Variants in CPPED1 observed in about 807,000 individuals in gnomAD.
CPPED1 encodes the protein serine/threonine-protein phosphatase CPPED1.
In CPPED1, 28 loss-of-function variants were observed where a neutral mutation model predicts 28.0. The ratio of observed to expected loss-of-function variants is 1.00; its 90% CI spans 0.74 to 1.37. CPPED1 has a LOEUF of 1.37. Ranked by LOEUF, CPPED1 falls within the 40% of genes most tolerant of loss-of-function variation. The pLI, the probability that CPPED1 is intolerant of heterozygous loss-of-function variation, is 0.00. For synonymous variants in CPPED1, 198 were observed against 180.2 expected (o/e 1.10, Z -0.79); for missense variants, 504 against 416.5 (o/e 1.21, Z -1.83).
intron 1 of CPPED1, among the ~76,000 whole-genome samples, chr16:12,802,046 C>T (rs2080663294): frequency 6.6e-6 from 1 of 152,150 alleles, no homozygotes; most frequent in South Asian, 2.1e-4. Flanking sequence ...GCTTCTCTCC[C>T]TGCTCTGATT....
Position 12,663,063 on chromosome 16 carries a change from T to C in CPPED1, c.*1823A>G, listed in dbSNP as rs1052650284. 8.6e-5 allele frequency: 1 copy of C among 11,668 alleles called. No individual in the cohort carries two copies. Among genetic ancestry groups the C allele is most frequent in the Admixed American group, 5.0e-4 (1 of 1,988 alleles). The allele number at this position is 11,668 out of a possible 1,614,324, so 0.7% of individuals were successfully genotyped here. On this transcript the variant is annotated 3_prime_UTR_variant, in exon 4 of 4. Transcript: ENST00000381774. Reference sequence around the variant, plus strand: ...AAGTCTCAATGTGTGTGTGTGTGGTTTTTTTTTTTTTTTTTTGAGACAGAG... The same window carrying C: ...AAGTCTCAATGTGTGTGTGTGTGGTCTTTTTTTTTTTTTTTTGAGACAGAG...
intron 3 of CPPED1, among the ~76,000 whole-genome samples, chr16:12,668,863 C>T (rs887661820): frequency 2.6e-5 from 4 of 152,204 alleles, no homozygotes; most frequent in African/African-American, 4.8e-5. Context: ...GAAATTAGAA[C>T]CTTCATACAG....
chr16:12,791,104 T>G (rs553757412), intron 1 of CPPED1, among the ~76,000 whole-genome samples: 9 of 151,752 alleles, frequency 5.9e-5, no homozygotes, highest in South Asian at 2.1e-4. Flanking sequence ...AACACGCAGG[T>G]TTGTTACATA....
At chr16:12,802,110 G>A (rs2080663548) in intron 1 of CPPED1, among the ~76,000 whole-genome samples, 2 of 152,308 alleles carry the variant, frequency 1.3e-5, no homozygotes, top group South Asian at 4.1e-4. Context: ...AAGGCAAGGA[G>A]CCCACCGATG....
chr16:12,778,515 A>T (rs183445385), intron 2 of CPPED1, among the ~76,000 whole-genome samples: 1 of 152,254 alleles, frequency 6.6e-6, no homozygotes, highest in East Asian at 1.9e-4. Flanking sequence ...ACCTCAGGTG[A>T]TCCGCCCACC....
intron 2 of CPPED1, among the ~76,000 whole-genome samples, chr16:12,766,034 A>T (rs12446662): frequency 0.2 from 30,859 of 151,382 alleles, 4,986 homozygotes; most frequent in African/African-American, 0.45. Flanking sequence ...GATGTAAATA[A>T]TCCAGTCAGC....
intron 2 of CPPED1, chr16:12,760,502 G>A (rs2080402693): frequency 6.6e-6 from 1 of 152,480 alleles, no homozygotes; most frequent in African/African-American, 2.4e-5. Context: ...TACTACTGCT[G>A]GGGGCCTGGT....
intron 3 of CPPED1, among the ~76,000 whole-genome samples, chr16:12,688,000 A>T (rs1217305019): frequency 6.6e-6 from 1 of 152,102 alleles, no homozygotes; most frequent in Non-Finnish European, 1.5e-5. Context: ...CATGAAAGTC[A>T]CAAGGCCAGC....
chr16:12,701,889 A>G (rs2080022638), intron 3 of CPPED1, among the ~76,000 whole-genome samples: 1 of 152,190 alleles, frequency 6.6e-6, no homozygotes, highest in Non-Finnish European at 1.5e-5. Flanking sequence ...ATTGGATTCC[A>G]GCGCCTGATG....
chr16:12,747,193 A>G (rs369901807), intron 2 of CPPED1, among the ~76,000 whole-genome samples: 2 of 151,934 alleles, frequency 1.3e-5, no homozygotes, highest in Non-Finnish European at 2.9e-5. Flanking sequence ...ATTTTGGGAG[A>G]CTGAGGTGGG....
At chr16:12,725,671 C>CG (rs1403014764) in intron 2 of CPPED1, among the ~76,000 whole-genome samples, 2 of 152,012 alleles carry the variant, frequency 1.3e-5, no homozygotes, top group South Asian at 2.1e-4. Flanking sequence ...CAGGTAGAGA[C>CG]GGGGGGAAGT....
intron 2 of CPPED1, among the ~76,000 whole-genome samples, chr16:12,763,601 C>T (rs182671868): frequency 1.3e-3 from 200 of 152,228 alleles, no homozygotes; most frequent in Admixed American, 1.5e-3. Context: ...ACCTATGATG[C>T]GAGTACCATT....
chr16:12,737,645 G>A (rs2080233436), intron 2 of CPPED1, among the ~76,000 whole-genome samples: 1 of 152,208 alleles, frequency 6.6e-6, no homozygotes, highest in South Asian at 2.1e-4. Context: ...CATGGTCTGA[G>A]CAGCTTACTC....
chr16:12,759,478 G>C (rs373891786), intron 2 of CPPED1: 2 of 152,382 alleles, frequency 1.3e-5, no homozygotes, highest in African/African-American at 4.8e-5. Flanking sequence ...AAAGCAGAGA[G>C]GCCATCAGGC....
chr16:12,745,540 G>C (rs1301239175), intron 2 of CPPED1, among the ~76,000 whole-genome samples: 1 of 152,218 alleles, frequency 6.6e-6, no homozygotes, highest in Non-Finnish European at 1.5e-5. Context: ...GGTGGAACTG[G>C]AGGCTATTAT....
rs1019698560 is a variant in CPPED1 at position 12,709,198 on chromosome 16, C to T, written c.290-4149G>A. On this transcript the variant is annotated intron_variant, in intron 2 of 3. Coordinates refer to ENST00000381774, the MANE Select transcript of CPPED1 (RefSeq NM_018340.3). This position sits in a 1 kb window ranked among gnomAD's most constrained non-coding sequence, Gnocchi z 4.4. ...GAGCTTCAATGAGTTTCCTGTCTCA[C>T]GCAGGGTTCTATGTTCACAAAAAGA... Among the ~76,000 whole-genome samples the T allele has an allele frequency of 2.0e-5, 3 of 152,012 alleles. No individual in the cohort carries two copies. Among genetic ancestry groups the T allele is most frequent in the African/African-American group, 4.8e-5 (2 of 41,380 alleles).
At position 12,715,307 on chromosome 16, in the gene CPPED1, A is replaced by C. The variant is rs976858878; in HGVS notation, c.290-10258T>G. On this transcript the variant is annotated intron_variant, in intron 2 of 3. Transcript: ENST00000381774. ...TAATTTTCATATAAAATTTAGGATC[A>C]GCTTGTGGTAACTGTGTAATCAAGG... Among the ~76,000 whole-genome samples the C allele has an allele frequency of 8.5e-5, 13 of 152,174 alleles. 1 individual carries two copies. The highest frequency in any genetic ancestry group is 8.5e-4 in the Admixed American group (13 of 15,272).
chr16:12,678,035 C>T (rs772879566), intron 3 of CPPED1, among the ~76,000 whole-genome samples: 2 of 152,182 alleles, frequency 1.3e-5, no homozygotes, highest in African/African-American at 4.8e-5. Flanking sequence ...GCCACCCTCA[C>T]TAATAAAGCA....
chr16:12,703,082 T>A (rs2080029008), intron 3 of CPPED1, among the ~76,000 whole-genome samples: 2 of 152,110 alleles, frequency 1.3e-5, no homozygotes, highest in Non-Finnish European at 2.9e-5. Context: ...ATGTTCTCTC[T>A]GGCTTTATTC....
Sources: allele counts gnomAD v4.1 joint callset (sites outside exome capture counted in the v4.1 genomes callset), GRCh38; gene constraint gnomAD v4.1.1; non-coding constraint Gnocchi (gnomAD v3.1); transcripts MANE v1.5; gene names NCBI Gene and HGNC (gene_info 2026-07-23, HGNC 2026-07-21).